The following ADAMTSL3 variants were observed in gnomAD, a reference collection of about 807,000 sequenced individuals.
ADAMTSL3 encodes the protein ADAMTS-like protein 3.
ADAMTSL3 carries 128 observed loss-of-function variants against 201.7 expected under a neutral mutation model. That is an observed-to-expected ratio of 0.63 (90% CI 0.55 to 0.73). The LOEUF (loss-of-function observed/expected upper bound fraction) is 0.73, where lower values mean the gene tolerates loss of function less well. Among genes scored for constraint, ADAMTSL3 ranks in the 30% least tolerant of loss-of-function variants. The pLI is 0.00. For synonymous variants in ADAMTSL3, 738 were observed against 748.4 expected, an observed-to-expected ratio of 0.99 and a Z score of 0.23; for missense variants, 1,990 against 2,119.6, an observed-to-expected ratio of 0.94 and a Z score of 1.20.
intron 28 of ADAMTSL3, among the ~76,000 whole-genome samples, chr15:84,036,357 T>G (rs2068505299): frequency 1.3e-5 from 2 of 152,162 alleles, no homozygotes; most frequent in African/African-American, 4.8e-5. Flanking sequence ...CCGCAGTATG[T>G]TTTGAGCGCT....
chr15:83,689,253 AC>A (rs1197514263), intron 2 of ADAMTSL3, among the ~76,000 whole-genome samples: 3 of 152,244 alleles, frequency 2.0e-5, no homozygotes, highest in Admixed American at 6.5e-5. Context: ...AGTAATAATG[AC>A]ATAGTGAACA....
At chr15:83,787,031 T>G (rs771398087) in intron 4 of ADAMTSL3, among the ~76,000 whole-genome samples, 7 of 152,312 alleles carry the variant, frequency 4.6e-5, no homozygotes, top group Middle Eastern at 3.4e-3. Flanking sequence ...CTTGCATCTT[T>G]TGCCAATGCT....
intron 8 of ADAMTSL3, among the ~76,000 whole-genome samples, chr15:83,865,476 G>T (rs1460582415): frequency 6.6e-6 from 1 of 152,152 alleles, no homozygotes; most frequent in African/African-American, 2.4e-5. Context: ...ACAACCATCT[G>T]ATCTTTGACA....
At chr15:83,868,514 A>G (rs1270288735) in intron 8 of ADAMTSL3, among the ~76,000 whole-genome samples, 1 of 152,170 alleles carries the variant, frequency 6.6e-6, no homozygotes, top group African/African-American at 2.4e-5. Context: ...AATCCAGATT[A>G]TCAGAATTGT....
intron 9 of ADAMTSL3, 47 bp downstream of exon 9, chr15:83,871,006 A>G (rs1325473561): frequency 1.3e-6 from 2 of 1,588,718 alleles, no homozygotes; most frequent in Non-Finnish European, 1.7e-6. Context: ...ATCCCAGAAC[A>G]TCTTGATTTT....
intron 6 of ADAMTSL3, among the ~76,000 whole-genome samples, chr15:83,823,396 G>A (rs1014108057): frequency 3.3e-5 from 5 of 152,140 alleles, no homozygotes; most frequent in African/African-American, 1.2e-4. Flanking sequence ...AGTGCTCAAA[G>A]GTGAACCTTC....
rs558165828 is a variant in ADAMTSL3, at chr15:83,716,627, G to T, written c.189+12119G>T. Among the ~76,000 whole-genome samples the T allele has an allele frequency of 6.7e-5, 9 of 134,272 alleles. No individual in the cohort carries two copies. The East Asian group carries it at 9.0e-4, about 13-fold the overall frequency. The allele number at this position is 134,272 out of a possible 152,430, so 88.1% of individuals were successfully genotyped here. On this transcript the variant is annotated intron_variant, in intron 3 of 29. Transcript: ENST00000286744. ...ATTTCTTTGTGTGTGTGTGTGTGTTGTGTGTGTGTGTGTTTGTAATTATTT... is the reference window on the plus strand; with the variant it reads ...ATTTCTTTGTGTGTGTGTGTGTGTTTTGTGTGTGTGTGTTTGTAATTATTT...
chr15:83,943,501 ATGC>A (rs1567253275), intron 19 of ADAMTSL3, among the ~76,000 whole-genome samples: 1 of 152,146 alleles, frequency 6.6e-6, no homozygotes, highest in Non-Finnish European at 1.5e-5. Flanking sequence ...TCTGTCACTT[ATGC>A]TGTTAATTTT....
At chr15:83,881,235 T>C (rs1439913221) in intron 9 of ADAMTSL3, among the ~76,000 whole-genome samples, 1 of 152,196 alleles carries the variant, frequency 6.6e-6, no homozygotes, top group African/African-American at 2.4e-5. Flanking sequence ...CCTTTGAAGG[T>C]TGTCGTGTTT....
intron 3 of ADAMTSL3, among the ~76,000 whole-genome samples, chr15:83,755,004 A>G (rs1337254903): frequency 6.6e-6 from 1 of 152,184 alleles, no homozygotes; most frequent in African/African-American, 2.4e-5. Context: ...TTAATATCGT[A>G]TATGTTCCAC....
chr15:83,957,833 G>C (rs1246915081), intron 19 of ADAMTSL3, among the ~76,000 whole-genome samples: 1 of 152,170 alleles, frequency 6.6e-6, no homozygotes, highest in African/African-American at 2.4e-5. Flanking sequence ...CAACACATAT[G>C]TGGTAGTTGA....
chr15:83,957,897 C>T (rs564185003), intron 19 of ADAMTSL3, among the ~76,000 whole-genome samples: 1 of 151,946 alleles, frequency 6.6e-6, no homozygotes, highest in African/African-American at 2.4e-5. Context: ...GACAGTAGTC[C>T]CTTTAAAAAT....
intron 19 of ADAMTSL3, among the ~76,000 whole-genome samples, chr15:83,945,295 C>A (rs144367331): frequency 1.3e-3 from 198 of 152,264 alleles, no homozygotes; most frequent in Middle Eastern, 3.4e-3. Context: ...GTCCCTCCTG[C>A]AGTCAGGTCC....
intron 25 of ADAMTSL3, among the ~76,000 whole-genome samples, chr15:84,020,877 C>A (rs186840428): frequency 6.6e-6 from 1 of 152,350 alleles, no homozygotes; most frequent in Admixed American, 6.5e-5. Flanking sequence ...TATGCAGTCA[C>A]AGGATCAATC....
At chr15:83,683,185 A>G (rs2061496504) in intron 2 of ADAMTSL3, among the ~76,000 whole-genome samples, 1 of 152,216 alleles carries the variant, frequency 6.6e-6, no homozygotes, top group Non-Finnish European at 1.5e-5. Context: ...TGCAGCCATG[A>G]AGATAGGTAT....
In ADAMTSL3 at chr15:83,864,975, A is replaced by T. The variant is rs566641039; in HGVS notation, c.803-5827A>T. On this transcript the variant is annotated intron_variant, in intron 8 of 29. Transcript: ENST00000286744. ...GCATTCTTATACACCAATAACAGAC[A>T]AACGGAGAGCCAAATCATGAGTGAA... is the stretch of plus-strand genomic sequence containing the variant. 2.2e-3 allele frequency among the ~76,000 whole-genome samples: 341 copies of T among 152,288 alleles called. 1 individual carries two copies. Among genetic ancestry groups the T allele is most frequent in the African/African-American group, 7.8e-3 (325 of 41,526 alleles).
chr15:83,988,865 A>G (rs777120615), intron 22 of ADAMTSL3, 47 bp downstream of exon 22: 5 of 1,180,112 alleles, frequency 4.2e-6, no homozygotes, highest in Non-Finnish European at 5.4e-6. Flanking sequence ...TTTATTTTTT[A>G]TTTTTATTTA....
intron 3 of ADAMTSL3, among the ~76,000 whole-genome samples, chr15:83,713,683 C>A (rs2162234): frequency 1.3e-3 from 204 of 152,134 alleles, no homozygotes; most frequent in Non-Finnish European, 2.6e-3. Flanking sequence ...GAAAAGACTT[C>A]GCCGATTCTC....
intron 2 of ADAMTSL3, among the ~76,000 whole-genome samples, chr15:83,680,875 G>A (rs1286761298): frequency 6.6e-6 from 1 of 151,874 alleles, no homozygotes; most frequent in African/African-American, 2.4e-5. Flanking sequence ...CAAAGGTCAT[G>A]TTTTCTTTAA....
Sources: allele counts gnomAD v4.1 joint callset (sites outside exome capture counted in the v4.1 genomes callset), GRCh38; gene constraint gnomAD v4.1.1; transcripts MANE v1.5; gene names NCBI Gene and HGNC (gene_info 2026-07-23, HGNC 2026-07-21).